Variants in ARHGEF12 observed in about 807,000 individuals in gnomAD.
ARHGEF12 encodes Rho guanine nucleotide exchange factor 12.
ARHGEF12 carries 66 observed loss-of-function variants against 211.2 expected under a neutral mutation model. The ratio of observed to expected loss-of-function variants is 0.31; its 90% CI spans 0.26 to 0.38. ARHGEF12 has a LOEUF of 0.38. Ranked by LOEUF, ARHGEF12 falls within the 10% of genes least tolerant of loss-of-function variation. The pLI is 1.00. For missense variants in ARHGEF12, 1,429 were observed against 1,869.5 expected (o/e 0.76, Z 4.34); for synonymous variants, 592 against 638.4 (o/e 0.93, Z 1.09).
chr11:120,459,444 A>G, intron 26 of ARHGEF12, 124 bp downstream of exon 26: 1 of 1,007,376 alleles, frequency 9.9e-7, no homozygotes, highest in East Asian at 2.7e-5. Flanking sequence ...ATGTAAGATA[A>G]ATAAAGGAAT....
chr11:120,449,470 G>A, intron 21 of ARHGEF12: 2 of 361,118 alleles, frequency 5.5e-6, no homozygotes, highest in South Asian at 5.1e-5. Context: ...GGAGGCTGAG[G>A]CAGGCGGATC....
rs1377715247 is a variant in ARHGEF12, at chr11:120,444,530, A to G, written c.1303-892A>G. Among the ~76,000 whole-genome samples the G allele has an allele frequency of 3.3e-5, 5 of 152,306 alleles. No individual in the cohort carries two copies. The South Asian group carries it at 6.2e-4, about 19-fold the overall frequency. On this transcript the variant is annotated intron_variant, in intron 15 of 40. Transcript: ENST00000397843. ...TGTCAAAGAGAAAGTTTTAAAATCC[A>G]TTTTACTTTTCTTCAAATGAATATA... is the stretch of plus-strand genomic sequence containing the variant.
At chr11:120,347,021 G>A (rs969619332) in intron 1 of ARHGEF12, among the ~76,000 whole-genome samples, 1 of 152,100 alleles carries the variant, frequency 6.6e-6, no homozygotes, top group South Asian at 2.1e-4. Flanking sequence ...TTCATAGAGC[G>A]TATCTAGAAT....
chr11:120,337,417 G>T, intron 1 of ARHGEF12, 142 bp downstream of exon 1: 2 of 1,490,678 alleles, frequency 1.3e-6, no homozygotes, highest in African/African-American at 1.4e-5. Flanking sequence ...CAGTTAGCCT[G>T]GGGTTGCTGC....
intron 1 of ARHGEF12, among the ~76,000 whole-genome samples, chr11:120,347,128 TTTCTTTCCTTCC>T (rs1237699474): frequency 2.3e-4 from 31 of 137,360 alleles, no homozygotes; most frequent in African/African-American, 8.2e-4. Flanking sequence ...CCTTTCTTTC[TTTCTTTCCTTCC>T]TTCCTTCCTT....
At chr11:120,447,219 G>A (rs530095449) in intron 18 of ARHGEF12, 134 bp downstream of exon 18, 4 of 997,462 alleles carry the variant, frequency 4.0e-6, no homozygotes, top group East Asian at 2.9e-5. Context: ...TAGTACTTGA[G>A]AAACTGGATT....
intron 1 of ARHGEF12, among the ~76,000 whole-genome samples, chr11:120,374,351 A>G (rs1230658202): frequency 1.3e-5 from 2 of 152,226 alleles, no homozygotes; most frequent in Non-Finnish European, 2.9e-5. Flanking sequence ...AATTTTATCC[A>G]GGGATACAGA....
chr11:120,467,625 T>C (rs1260692471), intron 29 of ARHGEF12, among the ~76,000 whole-genome samples: 2 of 148,898 alleles, frequency 1.3e-5, no homozygotes, highest in Non-Finnish European at 3.0e-5. Context: ...TTTTTTTTTT[T>C]AGCAAGGGTC....
At chr11:120,366,801 G>A (rs922088710) in intron 1 of ARHGEF12, among the ~76,000 whole-genome samples, 14 of 152,122 alleles carry the variant, frequency 9.2e-5, no homozygotes, top group Non-Finnish European at 1.9e-4. Flanking sequence ...GATCATTTGA[G>A]GTCTGGAGTT....
intron 29 of ARHGEF12, 104 bp downstream of exon 29, chr11:120,467,412 C>A: frequency 1.7e-5 from 9 of 519,168 alleles, no homozygotes; most frequent in South Asian, 6.5e-5. Context: ...GTTGGATTTC[C>A]AAATAGTATG....
At chr11:120,470,084 A>C (rs573019965) in intron 30 of ARHGEF12, among the ~76,000 whole-genome samples, 10 of 152,316 alleles carry the variant, frequency 6.6e-5, no homozygotes, top group African/African-American at 2.2e-4. Context: ...AAATGAGGTA[A>C]AGTAGACCAA....
chr11:120,489,421 T>C lies in ARHGEF12; in HGVS notation c.*4344T>C, dbSNP rs1947479656. The C allele has an allele frequency of 4.5e-6, 1 of 224,322 alleles. No homozygotes were observed. The highest frequency in any genetic ancestry group is 2.2e-5 in the African/African-American group (1 of 44,878). The allele number at this position is 224,322 out of a possible 1,614,324, so 13.9% of individuals were successfully genotyped here. On this transcript the variant is annotated 3_prime_UTR_variant, in exon 41 of 41. Coordinates refer to ENST00000397843, the MANE Select transcript of ARHGEF12 (RefSeq NM_015313.3). The stretch of plus-strand genomic sequence containing the variant: ...GTTCAGTGAGGTAGGCCAGCTTTTA[T>C]GACGCACCTGAAGATAACTTTGGTT...
At chr11:120,451,489 A>G (rs1591609813) in intron 21 of ARHGEF12, 23 bp from the exon 22 acceptor site, 1 of 1,612,686 alleles carries the variant, frequency 6.2e-7, no homozygotes, top group Non-Finnish European at 8.5e-7. Context: ...AATACAGATT[A>G]TTAACCATCA....
At chr11:120,484,391 T>G (rs768000261) in intron 39 of ARHGEF12, 47 bp from the exon 40 acceptor site, 69 of 1,560,032 alleles carry the variant, frequency 4.4e-5, no homozygotes, top group South Asian at 1.7e-4. Flanking sequence ...TTGTTTTGTT[T>G]TGTTTCATTA....
intron 4 of ARHGEF12, among the ~76,000 whole-genome samples, chr11:120,418,591 T>G (rs1945096857): frequency 6.6e-6 from 1 of 152,242 alleles, no homozygotes; most frequent in South Asian, 2.1e-4. Context: ...AAATATATGC[T>G]TACCTTTATA....
intron 28 of ARHGEF12, among the ~76,000 whole-genome samples, chr11:120,466,035 C>T (rs186634486): frequency 1.5e-4 from 23 of 152,252 alleles, no homozygotes; most frequent in Non-Finnish European, 2.5e-4. Context: ...AAACTATGGC[C>T]GACAGACCAT....
At chr11:120,449,572 G>A (rs530263368) in intron 21 of ARHGEF12, 9 of 171,342 alleles carry the variant, frequency 5.3e-5, no homozygotes, top group East Asian at 1.6e-4. Context: ...GGTGGCATGC[G>A]CCTGTAGTCC....
chr11:120,406,925 C>G (rs1944723101), intron 2 of ARHGEF12, among the ~76,000 whole-genome samples: 1 of 152,174 alleles, frequency 6.6e-6, no homozygotes, highest in Non-Finnish European at 1.5e-5. Flanking sequence ...ATGCCTATAT[C>G]CATGTCTATA....
At chr11:120,348,488 A>G (rs182544437) in intron 1 of ARHGEF12, among the ~76,000 whole-genome samples, 269 of 152,334 alleles carry the variant, frequency 1.8e-3, no homozygotes, top group Middle Eastern at 6.8e-3. Flanking sequence ...TTCTACACGT[A>G]AGTACATAAT....
Sources: allele counts gnomAD v4.1 joint callset (sites outside exome capture counted in the v4.1 genomes callset), GRCh38; gene constraint gnomAD v4.1.1; transcripts MANE v1.5; gene names NCBI Gene and HGNC (gene_info 2026-07-23, HGNC 2026-07-21).